Variants in SERGEF observed in about 807,000 individuals in gnomAD.
The protein encoded by SERGEF is secretion regulating guanine nucleotide exchange factor.
A neutral mutation model predicts 50.0 loss-of-function variants in SERGEF; 51 were observed. That is an observed-to-expected ratio of 1.02 (90% CI 0.81 to 1.29). The LOEUF (loss-of-function observed/expected upper bound fraction) is 1.29. Among genes scored for constraint, SERGEF ranks in the 50% most tolerant of loss-of-function variants. SERGEF has a pLI of 0.00. For missense variants in SERGEF, 521 were observed against 557.0 expected, an observed-to-expected ratio of 0.94 and a Z score of 0.65; for synonymous variants, 205 against 212.4, an observed-to-expected ratio of 0.97 and a Z score of 0.30.
intron 5 of SERGEF, 91 bp downstream of exon 5, chr11:18,000,406 G>T: frequency 2.4e-6 from 2 of 821,334 alleles, no homozygotes; most frequent in Non-Finnish European, 3.8e-6. Flanking sequence ...CTATGATCGA[G>T]CCACTGCACT....
intron 9 of SERGEF, among the ~76,000 whole-genome samples, chr11:17,923,722 G>A (rs923926685): frequency 2.0e-5 from 3 of 152,114 alleles, no homozygotes; most frequent in African/African-American, 4.8e-5. Flanking sequence ...TAAGTGCTAG[G>A]GATGCAGAGG....
At chr11:17,994,074 C>G (rs533931673) in intron 6 of SERGEF, among the ~76,000 whole-genome samples, 1 of 152,250 alleles carries the variant, frequency 6.6e-6, no homozygotes, top group East Asian at 1.9e-4. Context: ...CCGCTTCCAC[C>G]CTTTAAAAGT....
intron 10 of SERGEF, among the ~76,000 whole-genome samples, chr11:17,840,669 G>A (rs1850484920): frequency 6.6e-6 from 1 of 152,182 alleles, no homozygotes; most frequent in Non-Finnish European, 1.5e-5. Context: ...CCCAAAGACA[G>A]ATTGAAGAGT....
chr11:17,878,204 T>C lies in SERGEF; in HGVS notation c.1048+4A>G, dbSNP rs1330475099. ...AAACAGTTATCAGTATAAAAATTAC[T>C]TACCAATTATTGCCAAATTATGCTC... On this transcript the variant is annotated splice_donor_region_variant and intron_variant, in intron 10 of 10. Coordinates refer to ENST00000265965, the MANE Select transcript of SERGEF (RefSeq NM_012139.4). The C allele has an allele frequency of 1.3e-6, 2 of 1,578,154 alleles. No individual in the cohort carries two copies. The highest frequency in any genetic ancestry group is 1.7e-6 in the Non-Finnish European group (2 of 1,153,308).
At chr11:17,804,995 T>A (rs1849731315) in intron 10 of SERGEF, among the ~76,000 whole-genome samples, 1 of 152,258 alleles carries the variant, frequency 6.6e-6, no homozygotes, top group South Asian at 2.1e-4. Context: ...CATGATCATA[T>A]ATTACTTTCA....
At chr11:17,832,896 T>C (rs903428198) in intron 10 of SERGEF, among the ~76,000 whole-genome samples, 2 of 152,192 alleles carry the variant, frequency 1.3e-5, no homozygotes, top group Non-Finnish European at 1.5e-5. Flanking sequence ...AGAGGTGACT[T>C]GGGTGTTGTT....
At chr11:17,830,685 A>AGAGAGAGCGAGC (rs540825238) in intron 10 of SERGEF, among the ~76,000 whole-genome samples, 1 of 118,884 alleles carries the variant, frequency 8.4e-6, no homozygotes, top group Admixed American at 1.1e-4. Flanking sequence ...AGAGAGAGAG[A>AGAGAGAGCGAGC]GAGCACATGT....
At chr11:17,944,129 G>C (rs186959807) in intron 9 of SERGEF, among the ~76,000 whole-genome samples, 1 of 151,952 alleles carries the variant, frequency 6.6e-6, no homozygotes, top group Non-Finnish European at 1.5e-5. Flanking sequence ...GGGTTTCGTC[G>C]TGTTAGCCAG....
At chr11:17,923,685 A>C (rs1401432690) in intron 9 of SERGEF, among the ~76,000 whole-genome samples, 1 of 152,184 alleles carries the variant, frequency 6.6e-6, no homozygotes, top group African/African-American at 2.4e-5. Flanking sequence ...AGTCCTGGTC[A>C]CAGGGGAAAA....
rs749542275 is a variant in SERGEF, at chr11:18,008,091, G to C, written c.61-15C>G. The C allele has an allele frequency of 2.5e-6, 4 of 1,607,346 alleles. No individual in the cohort carries two copies. The South Asian group carries it at 3.3e-5, about 13-fold the overall frequency. ...CTATTTGCACCCTAGGGATGAATAA[G>C]CCAAGGATGAAAAAGTGTGGGAACC... On this transcript the variant is annotated splice_polypyrimidine_tract_variant and intron_variant, in intron 1 of 10. Coordinates refer to ENST00000265965, the MANE Select transcript of SERGEF (RefSeq NM_012139.4).
At chr11:17,938,054 C>G (rs1852488967) in intron 9 of SERGEF, among the ~76,000 whole-genome samples, 1 of 152,192 alleles carries the variant, frequency 6.6e-6, no homozygotes, top group Non-Finnish European at 1.5e-5. Context: ...ATGCCATTAC[C>G]AGCTTCTAAC....
chr11:17,869,619 T>C (rs184442124), intron 10 of SERGEF, among the ~76,000 whole-genome samples: 144 of 152,144 alleles, frequency 9.5e-4, no homozygotes, highest in Admixed American at 1.9e-3. Context: ...TTTATAAGGG[T>C]ACTAACACCA....
At chr11:18,003,098 C>A (rs1415704551) in intron 4 of SERGEF, among the ~76,000 whole-genome samples, 1 of 152,160 alleles carries the variant, frequency 6.6e-6, no homozygotes, top group African/African-American at 2.4e-5. Context: ...GGAACCATGA[C>A]CCGAAATAAC....
intron 9 of SERGEF, among the ~76,000 whole-genome samples, chr11:17,882,343 T>C (rs1405072390): frequency 7.2e-6 from 1 of 139,584 alleles, no homozygotes; most frequent in Admixed American, 7.9e-5. Context: ...TGCTTTAACC[T>C]GGGAGGTGGA....
chr11:17,826,745 G>A (rs1304483260), intron 10 of SERGEF, among the ~76,000 whole-genome samples: 2 of 152,074 alleles, frequency 1.3e-5, no homozygotes. Context: ...AAAGTAACCA[G>A]GGCTGTGAGG....
intron 5 of SERGEF, among the ~76,000 whole-genome samples, chr11:17,997,041 C>CA (rs1834199699): frequency 6.6e-6 from 1 of 152,042 alleles, no homozygotes; most frequent in African/African-American, 2.4e-5. Flanking sequence ...CTCATTTCTA[C>CA]AAAAAATTTA....
At chr11:17,797,870 G>A (rs1370922191) in intron 10 of SERGEF, among the ~76,000 whole-genome samples, 1 of 152,346 alleles carries the variant, frequency 6.6e-6, no homozygotes, top group East Asian at 1.9e-4. Flanking sequence ...TGCAATGACT[G>A]GAAGACTGCT....
chr11:17,871,713 T>C (rs1191810002), intron 10 of SERGEF, among the ~76,000 whole-genome samples: 2 of 152,160 alleles, frequency 1.3e-5, no homozygotes, highest in East Asian at 3.9e-4. Flanking sequence ...TCATTAGTTA[T>C]GAGAGAAATG....
chr11:18,011,750 G>A (rs1421387259), intron 1 of SERGEF, among the ~76,000 whole-genome samples: 1 of 152,040 alleles, frequency 6.6e-6, no homozygotes, highest in East Asian at 1.9e-4. Context: ...CCACACAGAC[G>A]CCAGTCTCCT....
Sources: gnomAD v4.1 joint callset for allele counts (sites outside exome capture counted in the v4.1 genomes callset) on GRCh38, gnomAD v4.1.1 for gene constraint, MANE v1.5 for transcripts, NCBI Gene and HGNC (gene_info 2026-07-23, HGNC 2026-07-21) for gene names.